The following RARS2 variants were observed in gnomAD, a reference collection of about 807,000 sequenced individuals.
RARS2 encodes the protein probable arginine--tRNA ligase, mitochondrial.
RARS2 carries 67 observed loss-of-function variants against 88.5 expected under a neutral mutation model. The observed-to-expected ratio is 0.76, with a 90% confidence interval of 0.62 to 0.93. The LOEUF (loss-of-function observed/expected upper bound fraction) is 0.93, where lower values mean the gene tolerates loss of function less well. Ranked by LOEUF, RARS2 falls within the 40% of genes least tolerant of loss-of-function variation. RARS2 has a pLI of 0.00. For missense variants in RARS2, 664 were observed against 684.2 expected (o/e 0.97, Z 0.33); for synonymous variants, 239 against 230.3 (o/e 1.04, Z -0.34).
At chr6:87,552,747 G>A (rs769638114) in intron 5 of RARS2, among the ~76,000 whole-genome samples, 20 of 151,968 alleles carry the variant, frequency 1.3e-4, no homozygotes, top group Admixed American at 3.3e-4. Flanking sequence ...GTAAAAAGAT[G>A]GTGAAGCTGA....
rs181840830 is a variant in RARS2, at chr6:87,575,277, A to C, written c.37-5687T>G. On this transcript the variant is annotated intron_variant, in intron 1 of 19. Transcript: ENST00000369536. The stretch of plus-strand genomic sequence containing the variant: ...CACACACACACACACACACACACAC[A>C]CCTTGGCTTCTTCAAAAGCAGGGCC... Among the ~76,000 whole-genome samples the C allele has an allele frequency of 3.4e-3, 483 of 140,134 alleles. 1 individual carries two copies. Among genetic ancestry groups the C allele is most frequent in the South Asian group, 7.2e-3 (32 of 4,462 alleles). 91.9% of individuals were successfully genotyped at this position (140,134 alleles called of 152,430 possible).
chr6:87,519,208 G>GTGTGTGTATATATA lies in RARS2; in HGVS notation c.1238-318_1238-317insTATATATACACACA, dbSNP rs1210109506. 3.9e-4 allele frequency: 100 copies of GTGTGTGTATATATA among 257,734 alleles called. 1 individual carries two copies. Among genetic ancestry groups the GTGTGTGTATATATA allele is most frequent in the African/African-American group, 2.3e-3 (97 of 41,900 alleles). 16.0% of individuals were successfully genotyped at this position (257,734 alleles called of 1,614,324 possible). A position where few individuals can be genotyped will look rare whatever the true frequency, so the allele number is the denominator to read the frequency against. ...TATGTGTGTGTGTGTGTGTGTGTGTGTATATATATATATCTATATATATCT... is the reference window on the plus strand; with the variant it reads ...TATGTGTGTGTGTGTGTGTGTGTGTGTGTGTGTATATATATATATATATATATCTATATATATCT... On this transcript the variant is annotated intron_variant, in intron 14 of 19. Coordinates refer to ENST00000369536, the MANE Select transcript of RARS2 (RefSeq NM_020320.5).
chr6:87,565,550 A>C (rs1173140684), intron 2 of RARS2, among the ~76,000 whole-genome samples: 1 of 152,192 alleles, frequency 6.6e-6, no homozygotes. Context: ...AACAAAAATC[A>C]AAAGCTCTCC....
intron 7 of RARS2, among the ~76,000 whole-genome samples, chr6:87,544,377 A>G (rs992011120): frequency 4.6e-5 from 7 of 152,244 alleles, no homozygotes; most frequent in Admixed American, 2.0e-4. Context: ...CTTATGTGAC[A>G]AGCACTGTAG....
At chr6:87,558,806 C>T (rs1046543404) in intron 4 of RARS2, among the ~76,000 whole-genome samples, 10 of 152,168 alleles carry the variant, frequency 6.6e-5, no homozygotes, top group African/African-American at 2.4e-4. Flanking sequence ...ATTTAACCTA[C>T]TATATTTAAA....
At chr6:87,564,720 AG>A in intron 2 of RARS2, 1 of 239,252 alleles carries the variant, frequency 4.2e-6, no homozygotes, top group South Asian at 4.5e-5. Context: ...ATTAAAAGCA[AG>A]AAAATGAGAA....
intron 18 of RARS2, 98 bp from the exon 19 acceptor site, chr6:87,515,118 G>GC: frequency 1.1e-6 from 1 of 943,500 alleles, no homozygotes; most frequent in Non-Finnish European, 1.7e-6. Flanking sequence ...ACTTAATAAA[G>GC]CCCAGAACCA....
At chr6:87,579,830 G>T (rs987374529) in intron 1 of RARS2, among the ~76,000 whole-genome samples, 1 of 142,132 alleles carries the variant, frequency 7.0e-6, no homozygotes, top group African/African-American at 2.6e-5. Flanking sequence ...GGGCTCAAGC[G>T]ATTCTCCTGT....
chr6:87,572,832 T>A (rs1471902418), intron 1 of RARS2, among the ~76,000 whole-genome samples: 1 of 152,150 alleles, frequency 6.6e-6, no homozygotes, highest in Non-Finnish European at 1.5e-5. Flanking sequence ...CAGAAAACTC[T>A]AAGCTCAAGG....
intron 10 of RARS2, among the ~76,000 whole-genome samples, chr6:87,528,249 A>C (rs1268018486): frequency 6.6e-6 from 1 of 152,096 alleles, no homozygotes; most frequent in African/African-American, 2.4e-5. Context: ...TAACAAAAAA[A>C]AAAAAAAAAA....
rs569154146 is a variant in RARS2, at chr6:87,517,148, C to T, written c.1512-268G>A. Among the ~76,000 whole-genome samples the T allele has an allele frequency of 7.2e-5, 11 of 152,072 alleles. No individual in the cohort carries two copies. The South Asian group carries it at 2.1e-3, about 29-fold the overall frequency. On this transcript the variant is annotated intron_variant, in intron 17 of 19. Coordinates refer to ENST00000369536, the MANE Select transcript of RARS2 (RefSeq NM_020320.5). Reference sequence around the variant, plus strand: ...CAAAAATTAGCCAGGTGTGGTGGCACGCGCCTATAGTCCCAGCTACCTGGG... The same window carrying T: ...CAAAAATTAGCCAGGTGTGGTGGCATGCGCCTATAGTCCCAGCTACCTGGG...
At chr6:87,553,965 C>T (rs996016488) in intron 5 of RARS2, among the ~76,000 whole-genome samples, 5 of 152,050 alleles carry the variant, frequency 3.3e-5, no homozygotes, top group African/African-American at 4.8e-5. Flanking sequence ...GAGTGGCAGA[C>T]GGTACACATG....
chr6:87,560,509 T>C (rs1344551306), intron 4 of RARS2, among the ~76,000 whole-genome samples: 1 of 152,224 alleles, frequency 6.6e-6, no homozygotes, highest in Non-Finnish European at 1.5e-5. Context: ...TGCAATGTCA[T>C]TATGGTTATT....
intron 1 of RARS2, among the ~76,000 whole-genome samples, chr6:87,579,771 G>GGCTGGAGT (rs1230599139): frequency 8.1e-6 from 1 of 123,050 alleles, no homozygotes; most frequent in Non-Finnish European, 1.6e-5. Context: ...TCTGTCGCCA[G>GGCTGGAGT]GCTGGAGTGC....
At chr6:87,580,500 T>C (rs1773152098) in intron 1 of RARS2, among the ~76,000 whole-genome samples, 1 of 149,590 alleles carries the variant, frequency 6.7e-6, no homozygotes, top group Non-Finnish European at 1.5e-5. Context: ...TCTTGCCAGG[T>C]GCAGTTGCTC....
At position 87,566,016 on chromosome 6, in the gene RARS2, T is replaced by A. The variant is rs1333173671; in HGVS notation, c.111-1784A>T. On this transcript the variant is annotated intron_variant, in intron 2 of 19. Transcript: ENST00000369536. ...CTTAATACATCATCCAGCAGCCTAC[T>A]ATGTATTACACTTTGGCCAGGTACA... Among the ~76,000 whole-genome samples the A allele has an allele frequency of 1.3e-5, 2 of 152,230 alleles. 1 individual carries two copies. Among genetic ancestry groups the A allele is most frequent in the Non-Finnish European group, 2.9e-5 (2 of 68,040 alleles).
intron 1 of RARS2, among the ~76,000 whole-genome samples, chr6:87,586,845 TGTTGAGCA>T (rs1775310946): frequency 6.6e-6 from 1 of 152,174 alleles, no homozygotes; most frequent in African/African-American, 2.4e-5. Context: ...TATACTTACC[TGTTGAGCA>T]TCCCTAAACT....
At chr6:87,577,409 C>T (rs532187962) in intron 1 of RARS2, among the ~76,000 whole-genome samples, 1 of 152,218 alleles carries the variant, frequency 6.6e-6, no homozygotes, top group South Asian at 2.1e-4. Flanking sequence ...GTTGTCCAGG[C>T]TGGTCTCAAA....
intron 8 of RARS2, 113 bp from the exon 9 acceptor site, chr6:87,531,055 G>C: frequency 6.6e-7 from 1 of 1,520,856 alleles, no homozygotes; most frequent in Non-Finnish European, 8.9e-7. Context: ...AATTTTCCAA[G>C]TTGGGTACAT....
Sources: gnomAD v4.1 joint callset for allele counts (sites outside exome capture counted in the v4.1 genomes callset) on GRCh38, gnomAD v4.1.1 for gene constraint, MANE v1.5 for transcripts, NCBI Gene and HGNC (gene_info 2026-07-23, HGNC 2026-07-21) for gene names.